ASPRV1: variants seen among roughly 807,000 people sequenced by gnomAD.
ASPRV1 encodes aspartic peptidase retroviral like 1, also known as retroviral-like aspartic protease 1.
ASPRV1 carries 7 observed loss-of-function variants against 11.0 expected under a neutral mutation model. The observed-to-expected ratio is 0.64, with a 90% CI of 0.36 to 1.20. The LOEUF (loss-of-function observed/expected upper bound fraction) is 1.20. Ranked by LOEUF, ASPRV1 falls within the 50% of genes most tolerant of loss-of-function variation. The pLI, the probability that ASPRV1 is intolerant of heterozygous loss-of-function variation, is 0.02. For missense variants in ASPRV1, 299 were observed against 320.0 expected, an observed-to-expected ratio of 0.93 and a Z score of 0.50; for synonymous variants, 136 against 138.4, an observed-to-expected ratio of 0.98 and a Z score of 0.12.
chr2:69,963,061 C>G, upstream of ASPRV1: 1 of 351,132 alleles, frequency 2.8e-6, no homozygotes, highest in Non-Finnish European at 5.7e-6. Flanking sequence ...CAGTGCCTGG[C>G]GGAATCCCAG....
At chr2:69,934,822 T>C in the ASPRV1 span, among the ~76,000 whole-genome samples, 1 of 152,228 alleles carries the variant, frequency 6.6e-6, no homozygotes. Flanking sequence ...TAGCATAATT[T>C]ATTTAACCAG....
At chr2:70,051,490 T>G in the ASPRV1 span, among the ~76,000 whole-genome samples, 4 of 152,198 alleles carry the variant, frequency 2.6e-5, no homozygotes, top group African/African-American at 4.8e-5. Flanking sequence ...CCTGAAGAGA[T>G]AGTGCACAAG....
chr2:70,060,917 A>G, the ASPRV1 span, among the ~76,000 whole-genome samples: 2 of 152,240 alleles, frequency 1.3e-5, no homozygotes, highest in East Asian at 3.8e-4. Flanking sequence ...GTGTCTCTAC[A>G]TACTAGGCCC....
At chr2:70,044,310 T>A in the ASPRV1 span, among the ~76,000 whole-genome samples, 23,107 of 152,128 alleles carry the variant, frequency 0.15, 2,732 homozygotes, top group East Asian at 0.3. Flanking sequence ...CCTGAAATTA[T>A]ACCACTTGAC....
At chr2:69,975,724 T>C in the ASPRV1 span, 1 of 152,318 alleles carries the variant, frequency 6.6e-6, no homozygotes, top group Admixed American at 6.5e-5. Context: ...CGAGATGATG[T>C]GCTGAATGAT....
chr2:70,018,247 T>C, the ASPRV1 span: 1 of 151,892 alleles, frequency 6.6e-6, no homozygotes, highest in South Asian at 2.1e-4. Context: ...GAAAACACTG[T>C]TGAAACACTG....
At chr2:70,067,807 G>C in the ASPRV1 span, among the ~76,000 whole-genome samples, 1 of 152,036 alleles carries the variant, frequency 6.6e-6, no homozygotes, top group Admixed American at 6.6e-5. Context: ...AACTGAAATG[G>C]GGAGACAGGA....
the ASPRV1 span, among the ~76,000 whole-genome samples, chr2:69,966,980 G>A: frequency 3.3e-5 from 5 of 152,188 alleles, no homozygotes; most frequent in African/African-American, 1.2e-4. Context: ...GCCCTTACAT[G>A]TATAGAAATC....
At chr2:70,009,865 G>A in the ASPRV1 span, among the ~76,000 whole-genome samples, 1 of 152,126 alleles carries the variant, frequency 6.6e-6, no homozygotes, top group Admixed American at 6.5e-5. Context: ...GGCTGGACTG[G>A]TATTTGTAAT....
the ASPRV1 span, among the ~76,000 whole-genome samples, chr2:69,999,519 G>A: frequency 2.0e-5 from 3 of 151,976 alleles, no homozygotes; most frequent in Middle Eastern, 3.4e-3. Context: ...AGCCGGTGTG[G>A]TGGGGGCATG....
chr2:69,945,455 G>A, the ASPRV1 span, among the ~76,000 whole-genome samples: 39,751 of 152,172 alleles, frequency 0.26, 5,376 homozygotes, highest in South Asian at 0.29. Context: ...TCTGTTCCAT[G>A]CAGAATTCTG....
At chr2:70,061,687 G>C in the ASPRV1 span, among the ~76,000 whole-genome samples, 1 of 152,152 alleles carries the variant, frequency 6.6e-6, no homozygotes, top group Non-Finnish European at 1.5e-5. Context: ...GGGTGCAGTG[G>C]CTCACACCTG....
the ASPRV1 span, among the ~76,000 whole-genome samples, chr2:69,968,974 C>T: frequency 6.6e-6 from 1 of 152,234 alleles, no homozygotes; most frequent in Non-Finnish European, 1.5e-5. Context: ...GGTTCCCTGC[C>T]TTTATCCAAA....
the ASPRV1 span, among the ~76,000 whole-genome samples, chr2:69,951,506 T>C: frequency 2.3e-3 from 347 of 148,874 alleles, no homozygotes; most frequent in African/African-American, 7.8e-3. Context: ...TATATTTATA[T>C]ATATAGATCT....
At chr2:69,966,145 G>A (rs1483181746), upstream of ASPRV1, among the ~76,000 whole-genome samples, 1 of 152,218 alleles carries the variant, frequency 6.6e-6, no homozygotes. Flanking sequence ...TCCAGGCCTG[G>A]GGTCAAGGCC....
the ASPRV1 span, among the ~76,000 whole-genome samples, chr2:70,073,624 G>A: frequency 6.6e-6 from 1 of 152,184 alleles, no homozygotes; most frequent in Non-Finnish European, 1.5e-5. Flanking sequence ...AAGGAAAGGT[G>A]GAGATGGGAG....
At chr2:70,050,253 C>G in the ASPRV1 span, 1 of 151,492 alleles carries the variant, frequency 6.6e-6, no homozygotes, top group Admixed American at 6.6e-5. Context: ...GCACTCCAGC[C>G]TGAGCAACAG....
chr2:70,086,263 A>G, the ASPRV1 span: 1 of 152,270 alleles, frequency 6.6e-6, no homozygotes, highest in South Asian at 2.1e-4. Context: ...ACGTGTCGCC[A>G]TTTTGTGTTC....
At chr2:70,069,487 A>T in the ASPRV1 span, 1 of 152,068 alleles carries the variant, frequency 6.6e-6, no homozygotes, top group African/African-American at 2.4e-5. Context: ...CATTTATCCA[A>T]CTCCTGACTA....
Sources: allele counts gnomAD v4.1 joint callset (sites outside exome capture counted in the v4.1 genomes callset), GRCh38; gene constraint gnomAD v4.1.1; transcripts MANE v1.5; gene names NCBI Gene and HGNC (gene_info 2026-07-23, HGNC 2026-07-21).